The following ANKS6 variants were observed in gnomAD, a reference collection of about 807,000 sequenced individuals.
The protein encoded by ANKS6 is ankyrin repeat and sterile alpha motif domain containing 6, also known as ankyrin repeat and SAM domain-containing protein 6.
A neutral mutation model predicts 77.9 loss-of-function variants in ANKS6; 47 were observed. The observed-to-expected ratio is 0.60, with a 90% confidence interval of 0.48 to 0.77. ANKS6 has a LOEUF of 0.77. Among genes scored for constraint, ANKS6 ranks in the 30% least tolerant of loss-of-function variants. The probability of loss-of-function intolerance (pLI) is 0.00; values close to 1 mark genes in which losing one functional copy is unlikely to be tolerated. For synonymous variants in ANKS6, 488 were observed against 501.7 expected (o/e 0.97, Z 0.37); for missense variants, 1,150 against 1,159.1 (o/e 0.99, Z 0.11).
chr9:98,743,440 C>A (rs957697884), intron 14 of ANKS6, among the ~76,000 whole-genome samples: 1 of 152,194 alleles, frequency 6.6e-6, no homozygotes, highest in African/African-American at 2.4e-5. Context: ...ACACACTGCA[C>A]ACCTCACTAC....
At chr9:98,784,696 T>TCCAAACA in intron 3 of ANKS6, 136 bp downstream of exon 3, 1 of 832,296 alleles carries the variant, frequency 1.2e-6, no homozygotes, top group Non-Finnish European at 1.9e-6. Flanking sequence ...GATCTGAACT[T>TCCAAACA]CCAAACACCA....
Position 98,796,135 on chromosome 9 carries a change from G to A in ANKS6, c.357C>T (p.Ala119=). 7 of 1,375,872 alleles carry A rather than the reference G, an allele frequency of 5.1e-6. No individual in the cohort carries two copies. Among genetic ancestry groups the A allele is most frequent in the Non-Finnish European group, 6.6e-6 (7 of 1,064,166 alleles). The allele number at this position is 1,375,872 out of a possible 1,614,324, so 85.2% of individuals were successfully genotyped here. A position where few individuals can be genotyped will look rare whatever the true frequency, so the allele number is the denominator to read the frequency against. ...HYGWSALMQA[A]RFGHVSVAHL... is the part of the protein sequence containing the mutation. ...GCCCCCGGGCCCCGCCGCCTCACCT[G>A]GCCGCCTGCATGAGCGCGCTCCAGC... Residue 119 remains alanine (A), a splice_region_variant and synonymous_variant, in exon 1 of 15, where the codon GCC becomes GCT. Transcript: ENST00000353234.
intron 5 of ANKS6, among the ~76,000 whole-genome samples, 171 bp from the exon 6 acceptor site, chr9:98,780,508 C>T (rs139724562): frequency 6.6e-6 from 1 of 152,354 alleles, no homozygotes; most frequent in East Asian, 1.9e-4. Flanking sequence ...AGGTGGCAAA[C>T]AAAGCCAGCA....
At chr9:98,750,757 C>T (rs1002060799) in intron 13 of ANKS6, among the ~76,000 whole-genome samples, 5 of 151,970 alleles carry the variant, frequency 3.3e-5, no homozygotes, top group African/African-American at 1.2e-4. Flanking sequence ...GTCAATCACA[C>T]ACAACAAAAA....
rs758937397 is a variant in ANKS6, at chr9:98,778,324, T to G, written c.1469A>C (p.Glu490Ala). 18 of 1,614,052 alleles carry G rather than the reference T, an allele frequency of 1.1e-5. No homozygotes were observed. The highest frequency in any genetic ancestry group is 5.3e-5 in the African/African-American group (4 of 74,920). The change falls in exon 7 of 15, where the codon GAG (glutamate) becomes GCG (alanine). Residue 490 changes from glutamate (E) to alanine (A), a missense_variant. Coordinates refer to ENST00000353234, the MANE Select transcript of ANKS6 (RefSeq NM_173551.5). ...SSNQPLPFSD[E>A]PEPALDSTMR... The stretch of plus-strand genomic sequence containing the variant: ...TGTGGAGTCCAGAGCTGGCTCAGGC[T>G]CGTCAGAGAAAGGCAAAGGCTGGTT...
At chr9:98,738,242 TTAAAC>T (rs1831609233) in intron 14 of ANKS6, among the ~76,000 whole-genome samples, 1 of 152,100 alleles carries the variant, frequency 6.6e-6, no homozygotes, top group African/African-American at 2.4e-5. Flanking sequence ...TGAGACTTAT[TTAAAC>T]TAAAGAGCTT....
chr9:98,788,264 C>G (rs879513814), intron 2 of ANKS6, among the ~76,000 whole-genome samples: 3 of 152,180 alleles, frequency 2.0e-5, no homozygotes, highest in Admixed American at 1.3e-4. Context: ...GGATGGAGAA[C>G]GCATGCACAA....
intron 11 of ANKS6, among the ~76,000 whole-genome samples, chr9:98,759,431 C>G (rs1189496981): frequency 6.6e-6 from 1 of 152,216 alleles, no homozygotes; most frequent in Non-Finnish European, 1.5e-5. Flanking sequence ...CTGACATGAT[C>G]TATCCAAACA....
At chr9:98,788,578 C>G (rs1238746254) in intron 2 of ANKS6, among the ~76,000 whole-genome samples, 2 of 152,236 alleles carry the variant, frequency 1.3e-5, no homozygotes, top group African/African-American at 4.8e-5. Context: ...AATAGCAAGC[C>G]TTTATGAGTC....
Position 98,784,812 on chromosome 9 carries a change from A to G in ANKS6, c.907+20T>C. ...GCCCTATATTCTTAAATATCCAAAA[A>G]GATTTTCTAAAGCGCTTACCCATTT... is the stretch of plus-strand genomic sequence containing the variant. On this transcript the variant is annotated intron_variant, in intron 3 of 14. Transcript: ENST00000353234. 1 of 1,609,150 alleles carries G rather than the reference A, an allele frequency of 6.2e-7. No individual in the cohort carries two copies. Among genetic ancestry groups the G allele is most frequent in the Non-Finnish European group, 8.5e-7 (1 of 1,176,990 alleles).
chr9:98,773,957 C>T lies in ANKS6; in HGVS notation c.1741G>A (p.Gly581Arg), dbSNP rs750034139. The T allele has an allele frequency of 5.0e-6, 8 of 1,602,518 alleles. No homozygotes were observed. The highest frequency in any genetic ancestry group is 2.3e-5 in the East Asian group (1 of 44,012). Reference protein sequence around the residue: ...SSDRSRTRHNGKADPMKTALP... With the variant: ...SSDRSRTRHNRKADPMKTALP... ...GCAGTCTTCATGGGGTCTGCCTTCC[C>T]GTTGTGACGCGTCCGGGACCGATCA... The change falls in exon 9 of 15, where the codon GGG becomes AGG. Residue 581 changes from glycine to arginine, a missense_variant. Coordinates refer to ENST00000353234, the MANE Select transcript of ANKS6 (RefSeq NM_173551.5).
chr9:98,735,430 A>G lies in ANKS6; in HGVS notation c.*1089T>C. On this transcript the variant is annotated 3_prime_UTR_variant, in exon 15 of 15. Transcript: ENST00000353234. Reference sequence around the variant, plus strand: ...ACTTCAGAAAGCCAGTGGGTTTTAAAAGTCAGGGCCCCTCTAATTTAATAA... The same window carrying G: ...ACTTCAGAAAGCCAGTGGGTTTTAAGAGTCAGGGCCCCTCTAATTTAATAA... 1 of 1,181,052 alleles carries G rather than the reference A, an allele frequency of 8.5e-7. No homozygotes were observed. The highest frequency in any genetic ancestry group is 1.0e-6 in the Non-Finnish European group (1 of 957,524). The allele number at this position is 1,181,052 out of a possible 1,614,324, so 73.2% of individuals were successfully genotyped here.
intron 6 of ANKS6, among the ~76,000 whole-genome samples, chr9:98,779,246 TGAGAAATCCAAA>T (rs1834091041): frequency 6.6e-6 from 1 of 152,178 alleles, no homozygotes; most frequent in African/African-American, 2.4e-5. Context: ...ATGTGGAAGA[TGAGAAATCCAAA>T]GAGAAAGTCT....
rs1834845134 is a variant in ANKS6, at chr9:98,790,487, A to AC, written c.478dup (p.Val160GlyfsTer29). 4 of 1,613,328 alleles carry AC rather than the reference A, an allele frequency of 2.5e-6. No homozygotes were observed. Among genetic ancestry groups the AC allele is most frequent in the Non-Finnish European group, 3.4e-6 (4 of 1,179,966 alleles). ...GGCACCGGCTTCCAGGAGCAGCTTC[A>AC]CCACACCCAGGTGGCCGCCCCGAGA... On this transcript the variant is annotated frameshift_variant, in exon 2 of 15. Transcript: ENST00000353234. LOFTEE classifies it high-confidence loss of function.
chr9:98,792,475 T>C (rs1336819868), intron 1 of ANKS6, among the ~76,000 whole-genome samples: 2 of 152,152 alleles, frequency 1.3e-5, no homozygotes, highest in Non-Finnish European at 2.9e-5. Context: ...CTCAGTAAAT[T>C]TGGTCAAACA....
intron 8 of ANKS6, among the ~76,000 whole-genome samples, chr9:98,776,464 G>A (rs946038893): frequency 4.7e-5 from 7 of 150,004 alleles, no homozygotes; most frequent in East Asian, 2.0e-4. Context: ...GCAATGGCAC[G>A]AGCTTGGTTC....
chr9:98,762,567 G>A (rs1833072810), intron 11 of ANKS6, among the ~76,000 whole-genome samples: 1 of 152,068 alleles, frequency 6.6e-6, no homozygotes, highest in African/African-American at 2.4e-5. Flanking sequence ...GTCAGATTCA[G>A]GAGGTTTCCC....
chr9:98,778,985 A>G lies in ANKS6; in HGVS notation c.1369-561T>C, dbSNP rs1834076282. 2.0e-5 allele frequency among the ~76,000 whole-genome samples: 3 copies of G among 152,210 alleles called. No homozygotes were observed. In the South Asian group the frequency reaches 6.2e-4, roughly 32 times the overall value. ...ACCACTCAGAGGTTAATGAACAGCC[A>G]CGAAGGGCATCTGTGAGGGCCTGCC... On this transcript the variant is annotated intron_variant, in intron 6 of 14. Transcript: ENST00000353234.
At chr9:98,792,178 C>T (rs369853015) in intron 1 of ANKS6, among the ~76,000 whole-genome samples, 4 of 152,202 alleles carry the variant, frequency 2.6e-5, no homozygotes, top group East Asian at 3.9e-4. Flanking sequence ...CCATCCTGAC[C>T]CCACCAGAGG....
Sources: allele counts gnomAD v4.1 joint callset (sites outside exome capture counted in the v4.1 genomes callset), GRCh38; gene constraint gnomAD v4.1.1; transcripts MANE v1.5; gene names NCBI Gene and HGNC (gene_info 2026-07-23, HGNC 2026-07-21).